The following MX1 variants were observed in gnomAD, a reference collection of about 807,000 sequenced individuals.
The protein encoded by MX1 is interferon-induced GTP-binding protein Mx1.
MX1 carries 66 observed loss-of-function variants against 66.4 expected under a neutral mutation model. The ratio of observed to expected loss-of-function variants is 0.99; its 90% CI spans 0.82 to 1.22. The LOEUF (loss-of-function observed/expected upper bound fraction) is 1.22, where lower values mean the gene tolerates loss of function less well. MX1 is among the 50% of genes most tolerant of loss of function. The probability of loss-of-function intolerance (pLI) is 0.00; values close to 1 mark genes in which losing one functional copy is unlikely to be tolerated. For missense variants in MX1, 787 were observed against 834.3 expected, an observed-to-expected ratio of 0.94 and a Z score of 0.70; for synonymous variants, 311 against 318.1, an observed-to-expected ratio of 0.98 and a Z score of 0.24.
upstream of MX1, among the ~76,000 whole-genome samples, chr21:41,424,412 G>A (rs1168713349): frequency 3.9e-5 from 6 of 152,180 alleles, no homozygotes; most frequent in East Asian, 1.9e-4. Flanking sequence ...TGGCTGGGGG[G>A]CTCCTCCCCC....
chr21:41,443,112 T>G (rs1185662832), intron 10 of MX1, among the ~76,000 whole-genome samples: 2 of 152,262 alleles, frequency 1.3e-5, no homozygotes, highest in African/African-American at 4.8e-5. Context: ...CAATTTTATA[T>G]GTAGTTTACC....
At chr21:41,456,750 G>GT (rs1569000205) in intron 16 of MX1, among the ~76,000 whole-genome samples, 5 of 143,754 alleles carry the variant, frequency 3.5e-5, no homozygotes, top group Non-Finnish European at 7.5e-5. Context: ...TAAAGTTGTT[G>GT]GTTTTTTTTG....
chr21:41,455,468 A>G (rs1216930825), intron 16 of MX1, among the ~76,000 whole-genome samples: 1 of 152,248 alleles, frequency 6.6e-6, no homozygotes, highest in Non-Finnish European at 1.5e-5. Context: ...ATACATGCAC[A>G]GAATCCAAAC....
chr21:41,441,683 C>G lies in MX1; in HGVS notation c.731-33C>G, dbSNP rs2090517268. The G allele has an allele frequency of 6.2e-7, 1 of 1,610,744 alleles. No homozygotes were observed. The highest frequency in any genetic ancestry group is 1.1e-5 in the South Asian group (1 of 90,968). On this transcript the variant is annotated intron_variant, in intron 9 of 16. Coordinates refer to ENST00000398598, the MANE Select transcript of MX1 (RefSeq NM_002462.5). The surrounding 1 kb of genome is among the most constrained non-coding windows in gnomAD (Gnocchi z 4.0). ...CGTTCACCTCTGCCTCGTGACTGAGCACGTTCTCTCCCCAAATACATCTGG... is the reference window on the plus strand; with the variant it reads ...CGTTCACCTCTGCCTCGTGACTGAGGACGTTCTCTCCCCAAATACATCTGG...
At chr21:41,434,273 A>G (rs1286043248) in intron 5 of MX1, among the ~76,000 whole-genome samples, 1 of 152,252 alleles carries the variant, frequency 6.6e-6, no homozygotes, top group Non-Finnish European at 1.5e-5. Context: ...GTAGGTAGGC[A>G]GGACCGAGTG....
intron 12 of MX1, 28 bp from the exon 13 acceptor site, chr21:41,445,972 C>T (rs2090650762): frequency 6.2e-7 from 1 of 1,612,488 alleles, no homozygotes; most frequent in Non-Finnish European, 8.5e-7. Flanking sequence ...AGTCTATCCA[C>T]TTATACTGAT....
At position 41,441,645 on chromosome 21, in the gene MX1, G is replaced by A. The variant is rs927101287; in HGVS notation, c.731-71G>A. ...GAGGAAACCCTGGGAGGCCGGGGGC[G>A]TGAGCAGTTGTTCGTTCACCTCTGC... On this transcript the variant is annotated intron_variant, in intron 9 of 16. Transcript: ENST00000398598. The surrounding 1 kb of genome is among the most constrained non-coding windows in gnomAD (Gnocchi z 4.0). The A allele has an allele frequency of 8.6e-5, 129 of 1,506,196 alleles. No homozygotes were observed. The African/African-American group carries it at 1.2e-3, about 14-fold the overall frequency. The allele number at this position is 1,506,196 out of a possible 1,614,324, so 93.3% of individuals were successfully genotyped here. A position where few individuals can be genotyped will look rare whatever the true frequency, so the allele number is the denominator to read the frequency against.
At chr21:41,442,018 TGTGTGTGC>T (rs1409818611) in intron 10 of MX1, 104 bp downstream of exon 10, 32 of 1,035,648 alleles carry the variant, frequency 3.1e-5, no homozygotes, top group African/African-American at 6.3e-5. Context: ...TGTGTGTGTG[TGTGTGTGC>T]GTGTGTGTGT....
intron 8 of MX1, among the ~76,000 whole-genome samples, chr21:41,440,680 C>T (rs2090481804): frequency 6.6e-6 from 1 of 152,168 alleles, no homozygotes; most frequent in Non-Finnish European, 1.5e-5. Context: ...TATAGCTCTG[C>T]TTCTGCCACA....
At chr21:41,424,286 C>T (rs2090023552), upstream of MX1, among the ~76,000 whole-genome samples, 1 of 150,828 alleles carries the variant, frequency 6.6e-6, no homozygotes, top group African/African-American at 2.5e-5. Context: ...TTGCTAATTC[C>T]TGGGAGAACT....
In MX1 at chr21:41,458,891, T is replaced by C. The variant is rs1601552566; in HGVS notation, c.*133T>C. ...GTCTCTGCTTATCCGTTAGCCGTGG[T>C]GATTTAGCAGGAAGCTGTGAGAGCA... On this transcript the variant is annotated 3_prime_UTR_variant, in exon 17 of 17. Coordinates refer to ENST00000398598, the MANE Select transcript of MX1 (RefSeq NM_002462.5). 7.0e-7 allele frequency: 1 copy of C among 1,424,506 alleles called. No individual in the cohort carries two copies. The highest frequency in any genetic ancestry group is 2.7e-5 in the Admixed American group (1 of 37,088). The allele number at this position is 1,424,506 out of a possible 1,614,324, so 88.2% of individuals were successfully genotyped here.
chr21:41,440,691 G>A (rs1032423296), intron 8 of MX1, among the ~76,000 whole-genome samples, 196 bp from the exon 9 acceptor site: 1 of 152,134 alleles, frequency 6.6e-6, no homozygotes, highest in African/African-American at 2.4e-5. Flanking sequence ...TTCTGCCACA[G>A]ATAATTTATT....
At chr21:41,426,956 C>A (rs949626371) in intron 1 of MX1, 2 of 152,270 alleles carry the variant, frequency 1.3e-5, no homozygotes, top group African/African-American at 4.8e-5. Context: ...GTGCGGTGGA[C>A]GAAGGGAGGC....
rs915002366 is a variant in MX1 at position 41,439,770 on chromosome 21, C to T, written c.513C>T (p.Val171=). 1.9e-6 allele frequency: 3 copies of T among 1,613,914 alleles called. No individual in the cohort carries two copies. The highest frequency in any genetic ancestry group is 2.5e-6 in the Non-Finnish European group (3 of 1,179,972). ...CCCTGGAGATCAGCTCCCGAGATGT[C>T]CCGGATCTGACTCTAATAGACCTTC... The part of the protein sequence containing the change: ...LITLEISSRD[V]PDLTLIDLPG... Residue 171 remains valine (V), a synonymous_variant, in exon 8 of 17, where the codon GTC becomes GTT. Coordinates refer to ENST00000398598, the MANE Select transcript of MX1 (RefSeq NM_002462.5).
At chr21:41,440,522 A>G (rs2090477998) in intron 8 of MX1, among the ~76,000 whole-genome samples, 1 of 152,214 alleles carries the variant, frequency 6.6e-6, no homozygotes. Flanking sequence ...AAATAGGTAT[A>G]ATGATATTTT....
At chr21:41,443,647 T>G in intron 10 of MX1, 141 bp from the exon 11 acceptor site, 1 of 726,308 alleles carries the variant, frequency 1.4e-6, no homozygotes, top group Admixed American at 2.0e-5. Flanking sequence ...CAGTTCTGAG[T>G]ATTTGTTGGG....
In MX1 at chr21:41,451,170, T is replaced by A; in HGVS notation, c.1436T>A (p.Met479Lys). 6.2e-7 allele frequency: 1 copy of A among 1,607,590 alleles called. No individual in the cohort carries two copies. The highest frequency in any genetic ancestry group is 8.5e-7 in the Non-Finnish European group (1 of 1,174,682). ...AVDMLHTVTDMVRLAFTDVSI... is the reference protein window; with the variant it reads ...AVDMLHTVTDKVRLAFTDVSI... ...CTATTTTTCTCTCTTTGATTAGATATGGTCCGGCTTGCTTTCACAGATGTT... is the reference window on the plus strand; with the variant it reads ...CTATTTTTCTCTCTTTGATTAGATAAGGTCCGGCTTGCTTTCACAGATGTT... The change falls in exon 15 of 17, where the codon ATG (methionine) becomes AAG (lysine). Residue 479 changes from methionine (M) to lysine (K), a missense_variant. By Grantham distance (95) the Met-to-Lys change is moderately conservative. Coordinates refer to ENST00000398598, the MANE Select transcript of MX1 (RefSeq NM_002462.5).
In MX1 at chr21:41,446,045, G is replaced by C. The variant is rs1298992376; in HGVS notation, c.1177G>C (p.Glu393Gln). The change falls in exon 13 of 17, where the codon GAG (glutamate) becomes CAG (glutamine). Residue 393 changes from glutamate (E) to glutamine (Q), a missense_variant. By Grantham distance (29) the Glu-to-Gln change is conservative (BLOSUM62 2). Coordinates refer to ENST00000398598, the MANE Select transcript of MX1 (RefSeq NM_002462.5). The stretch of plus-strand genomic sequence containing the variant: ...GGACATCACTGCTCTCATGCAAGGA[G>C]AGGAAACTGTAGGGGAGGAAGACAT... ...NQDITALMQG[E>Q]ETVGEEDIRL... 1.2e-6 allele frequency: 2 copies of C among 1,614,182 alleles called. No homozygotes were observed. Among genetic ancestry groups the C allele is most frequent in the Non-Finnish European group, 1.7e-6 (2 of 1,180,022 alleles).
chr21:41,434,172 A>G (rs949634872), intron 5 of MX1, among the ~76,000 whole-genome samples: 1 of 152,270 alleles, frequency 6.6e-6, no homozygotes, highest in Non-Finnish European at 1.5e-5. Context: ...AAAAATAGTC[A>G]TTAGAAAGAG....
Sources: gnomAD v4.1 joint callset for allele counts (sites outside exome capture counted in the v4.1 genomes callset) on GRCh38, gnomAD v4.1.1 for gene constraint, Gnocchi (gnomAD v3.1) non-coding constraint, MANE v1.5 for transcripts, NCBI Gene and HGNC (gene_info 2026-07-23, HGNC 2026-07-21) for gene names.